Variants in RETREG1 observed in about 807,000 individuals in gnomAD.
RETREG1 encodes reticulophagy regulator 1.
RETREG1 carries 44 observed loss-of-function variants against 54.8 expected under a neutral mutation model. The observed-to-expected ratio is 0.80, with a 90% CI of 0.63 to 1.03. RETREG1 has a LOEUF of 1.03. Among genes scored for constraint, RETREG1 ranks in the 50% least tolerant of loss-of-function variants. The pLI is 0.00. For synonymous variants in RETREG1, 217 were observed against 238.5 expected, an observed-to-expected ratio of 0.91 and a Z score of 0.83; for missense variants, 554 against 605.1, an observed-to-expected ratio of 0.92 and a Z score of 0.89.
chr5:16,502,658 A>G (rs1008982600), intron 3 of RETREG1, among the ~76,000 whole-genome samples: 1 of 150,842 alleles, frequency 6.6e-6, no homozygotes, highest in Non-Finnish European at 1.5e-5. Context: ...AGGCATTAAG[A>G]TTACAGTTGA....
In RETREG1 at chr5:16,563,319, G is replaced by A. The variant is rs555701352; in HGVS notation, c.458+2444C>T. On this transcript the variant is annotated intron_variant, in intron 3 of 8. Coordinates refer to ENST00000306320, the MANE Select transcript of RETREG1 (RefSeq NM_001034850.3). ...GTTGCCCAGGCTGGAGTGCAGTGGCGTGATCTCCGCTCACTGCAACCTCTG... is the reference window on the plus strand; with the variant it reads ...GTTGCCCAGGCTGGAGTGCAGTGGCATGATCTCCGCTCACTGCAACCTCTG... Among the ~76,000 whole-genome samples, 9 of 152,178 alleles carry A rather than the reference G, an allele frequency of 5.9e-5. No homozygotes were observed. In the South Asian group the frequency reaches 1.2e-3, roughly 21 times the overall value.
chr5:16,579,980 T>G (rs1459681912), intron 1 of RETREG1, among the ~76,000 whole-genome samples: 1 of 152,218 alleles, frequency 6.6e-6, no homozygotes, highest in Non-Finnish European at 1.5e-5. Context: ...TTAAAAAAAT[T>G]TTAACAGTTC....
intron 1 of RETREG1, among the ~76,000 whole-genome samples, chr5:16,573,875 G>T (rs1413722510): frequency 6.6e-6 from 1 of 151,544 alleles, no homozygotes; most frequent in Non-Finnish European, 1.5e-5. Flanking sequence ...CGCCCAAGTA[G>T]CTGGAAATAT....
intron 1 of RETREG1, among the ~76,000 whole-genome samples, chr5:16,581,268 C>A (rs902530295): frequency 5.9e-5 from 9 of 152,094 alleles, no homozygotes; most frequent in African/African-American, 1.9e-4. Context: ...GGCTCCAATC[C>A]CCTGTGCATG....
chr5:16,589,317 T>C (rs942392005), intron 1 of RETREG1, among the ~76,000 whole-genome samples: 2 of 121,362 alleles, frequency 1.6e-5, no homozygotes, highest in Non-Finnish European at 3.4e-5. Flanking sequence ...AACTTGAGTG[T>C]TTTTTTTTTT....
At chr5:16,480,251 A>G (rs1162587446) in intron 5 of RETREG1, among the ~76,000 whole-genome samples, 9 of 151,956 alleles carry the variant, frequency 5.9e-5, no homozygotes. Context: ...ACACTTTTTC[A>G]TCTGGTTTTG....
chr5:16,564,959 T>C (rs2248104), intron 3 of RETREG1, among the ~76,000 whole-genome samples: 9,403 of 152,328 alleles, frequency 0.062, 383 homozygotes, highest in Non-Finnish European at 0.095. Context: ...ATTCATTTTG[T>C]GATGCCCACT....
chr5:16,515,030 A>G (rs1740303255), intron 3 of RETREG1, among the ~76,000 whole-genome samples: 1 of 150,530 alleles, frequency 6.6e-6, no homozygotes, highest in South Asian at 2.1e-4. Context: ...TTGGTTCCAC[A>G]TTTTTGCAAT....
Position 16,567,293 on chromosome 5 carries a change from C to T in RETREG1, c.428-1500G>A, listed in dbSNP as rs367784211. On this transcript the variant is annotated intron_variant, in intron 2 of 8. Coordinates refer to ENST00000306320, the MANE Select transcript of RETREG1 (RefSeq NM_001034850.3). ...CAGGGAGGAGTGGAGACAGGGTGCACTGAGAACTAACTCGCAGACTCTGCA... is the reference window on the plus strand; with the variant it reads ...CAGGGAGGAGTGGAGACAGGGTGCATTGAGAACTAACTCGCAGACTCTGCA... 1.1e-3 allele frequency among the ~76,000 whole-genome samples: 170 copies of T among 152,278 alleles called. 1 individual carries two copies. The highest frequency in any genetic ancestry group is 3.8e-3 in the African/African-American group (159 of 41,570).
chr5:16,524,408 C>T (rs1740634300), intron 3 of RETREG1, among the ~76,000 whole-genome samples: 1 of 152,178 alleles, frequency 6.6e-6, no homozygotes, highest in Admixed American at 6.5e-5. Context: ...CTAGTCCTTA[C>T]CTTTCATGTT....
chr5:16,579,583 C>T (rs984981447), intron 1 of RETREG1, among the ~76,000 whole-genome samples: 3 of 152,150 alleles, frequency 2.0e-5, no homozygotes, highest in African/African-American at 4.8e-5. Flanking sequence ...GTTTTCTGGC[C>T]GTAAAAGTCC....
intron 3 of RETREG1, among the ~76,000 whole-genome samples, chr5:16,559,502 G>T (rs551191950): frequency 1.3e-5 from 2 of 152,286 alleles, no homozygotes; most frequent in East Asian, 3.9e-4. Context: ...ATATCTATCA[G>T]AAAATCCGAT....
intron 1 of RETREG1, among the ~76,000 whole-genome samples, chr5:16,606,390 C>T (rs1031787108): frequency 3.3e-5 from 5 of 152,162 alleles, no homozygotes; most frequent in East Asian, 1.9e-4. Flanking sequence ...AAATTTCACA[C>T]GTTCCCAAGG....
intron 3 of RETREG1, among the ~76,000 whole-genome samples, chr5:16,542,492 C>T (rs1285691020): frequency 6.6e-6 from 1 of 151,918 alleles, no homozygotes; most frequent in East Asian, 1.9e-4. Flanking sequence ...AACCTGTTTT[C>T]CTCCAACCAA....
chr5:16,513,916 C>T (rs1246016893), intron 3 of RETREG1, among the ~76,000 whole-genome samples: 2 of 152,180 alleles, frequency 1.3e-5, no homozygotes, highest in African/African-American at 4.8e-5. Context: ...TGACTGGTAA[C>T]TCTATTCTGA....
intron 3 of RETREG1, among the ~76,000 whole-genome samples, chr5:16,512,848 A>G (rs1341649824): frequency 1.3e-5 from 2 of 151,718 alleles, no homozygotes; most frequent in Non-Finnish European, 2.9e-5. Context: ...GATTGAGGAG[A>G]TGTCAGCAGA....
intron 3 of RETREG1, among the ~76,000 whole-genome samples, chr5:16,548,867 C>G (rs143600909): frequency 0.015 from 2,211 of 152,308 alleles, 58 homozygotes; most frequent in African/African-American, 0.051. Context: ...AAATAAATAT[C>G]TGTTATTTAA....
Position 16,561,730 on chromosome 5 carries a change from T to C in RETREG1, c.458+4033A>G, listed in dbSNP as rs1049306080. 6.6e-6 allele frequency among the ~76,000 whole-genome samples: 1 copy of C among 152,130 alleles called. No homozygotes were observed. The highest frequency in any genetic ancestry group is 1.5e-5 in the Non-Finnish European group (1 of 68,032). On this transcript the variant is annotated intron_variant, in intron 3 of 8. Transcript: ENST00000306320. This position sits in a 1 kb window ranked among gnomAD's most constrained non-coding sequence, Gnocchi z 4.2. ...GCTAATATTTTTTCCAAATCATCAT[T>C]AAACACTCAAACAGCTTCTGTATTA...
intron 3 of RETREG1, among the ~76,000 whole-genome samples, chr5:16,559,854 T>C (rs1322993433): frequency 2.0e-5 from 3 of 152,238 alleles, no homozygotes; most frequent in Admixed American, 2.0e-4. Flanking sequence ...AAAACTATTA[T>C]AATACTATGG....
Sources: allele counts gnomAD v4.1 joint callset (sites outside exome capture counted in the v4.1 genomes callset), GRCh38; gene constraint gnomAD v4.1.1; non-coding constraint Gnocchi (gnomAD v3.1); transcripts MANE v1.5; gene names NCBI Gene and HGNC (gene_info 2026-07-23, HGNC 2026-07-21).